IFNG-AS1: variants seen among roughly 807,000 people sequenced by gnomAD.
IFNG-AS1 encodes the protein IFNG antisense RNA 1 (non-protein coding).
chr12:68,020,484 A>G (rs1229248317), intron 4 of IFNG-AS1: 1 of 152,210 alleles, frequency 6.6e-6, no homozygotes, highest in Non-Finnish European at 1.5e-5. Context: ...GAGAGGGCCA[A>G]AAGTTCTTTG....
At chr12:68,003,945 A>G (rs564658646) in intron 2 of IFNG-AS1, among the ~76,000 whole-genome samples, 11 of 41,854 alleles carry the variant, frequency 2.6e-4, no homozygotes, top group African/African-American at 7.3e-4. Flanking sequence ...TTTGGCCACT[A>G]TCCGAGGCTA....
At chr12:67,992,594 AT>A (rs1288954629) in intron 1 of IFNG-AS1, among the ~76,000 whole-genome samples, 1 of 152,196 alleles carries the variant, frequency 6.6e-6, no homozygotes, top group Non-Finnish European at 1.5e-5. Flanking sequence ...TAGGTATACT[AT>A]TTTAATGTAT....
At chr12:68,005,394 G>A (rs114682275) in intron 2 of IFNG-AS1, among the ~76,000 whole-genome samples, 1,788 of 152,140 alleles carry the variant, frequency 0.012, 30 homozygotes, top group African/African-American at 0.04. Context: ...GCATGCACAC[G>A]TGCATACACA....
chr12:68,007,452 T>A (rs1424358906), intron 3 of IFNG-AS1, among the ~76,000 whole-genome samples: 1 of 152,232 alleles, frequency 6.6e-6, no homozygotes, highest in African/African-American at 2.4e-5. Flanking sequence ...TTTATCACTG[T>A]GTTGAGTTTC....
At chr12:68,012,374 T>C (rs1157308176) in intron 3 of IFNG-AS1, among the ~76,000 whole-genome samples, 1 of 152,190 alleles carries the variant, frequency 6.6e-6, no homozygotes, top group Non-Finnish European at 1.5e-5. Flanking sequence ...GTTTGGTCCA[T>C]GACAGCCACT....
At chr12:68,017,231 G>A (rs998522286) in intron 3 of IFNG-AS1, among the ~76,000 whole-genome samples, 9 of 152,170 alleles carry the variant, frequency 5.9e-5, no homozygotes, top group Non-Finnish European at 7.4e-5. Flanking sequence ...AAGAGGAACG[G>A]TGGTATGAAA....
chr12:68,015,470 G>A (rs1435986297), intron 3 of IFNG-AS1, among the ~76,000 whole-genome samples: 2 of 152,054 alleles, frequency 1.3e-5, no homozygotes, highest in African/African-American at 2.4e-5. Flanking sequence ...TCTGGCAGAG[G>A]CTTCACCTTC....
chr12:67,993,705 A>G (rs968794275), intron 1 of IFNG-AS1, among the ~76,000 whole-genome samples: 2 of 152,226 alleles, frequency 1.3e-5, no homozygotes, highest in African/African-American at 4.8e-5. Flanking sequence ...GCACTTATTA[A>G]TAAAAAAGAT....
At chr12:68,017,587 T>C (rs1338704133) in intron 3 of IFNG-AS1, among the ~76,000 whole-genome samples, 1 of 152,208 alleles carries the variant, frequency 6.6e-6, no homozygotes, top group Non-Finnish European at 1.5e-5. Context: ...AGGGCTGTTT[T>C]GAACAATGAG....
intron 1 of IFNG-AS1, among the ~76,000 whole-genome samples, chr12:67,990,903 T>C (rs1175746337): frequency 6.6e-6 from 1 of 152,038 alleles, no homozygotes; most frequent in South Asian, 2.1e-4. Context: ...AATTTTTTTT[T>C]AACTTTAAAC....
chr12:68,004,498 C>T (rs887497843), intron 2 of IFNG-AS1, among the ~76,000 whole-genome samples: 1 of 152,180 alleles, frequency 6.6e-6, no homozygotes, highest in Non-Finnish European at 1.5e-5. Flanking sequence ...TGTCAGAGCC[C>T]TCTGGATCCT....
Position 68,003,419 on chromosome 12 carries a change from T to TC in IFNG-AS1, n.185-2665dup, listed in dbSNP as rs150082058. ...CATAGTTCATAGAAGCTAATCATATTCCCCCCTTTTTTTTTTTTTTTGCAT... is the reference window on the plus strand; with the variant it reads ...CATAGTTCATAGAAGCTAATCATATTCCCCCCCTTTTTTTTTTTTTTTGCAT... On this transcript the variant is annotated intron_variant and non_coding_transcript_variant, in intron 2 of 5. Coordinates refer to ENST00000536914, the Ensembl canonical transcript of IFNG-AS1. 1.8e-3 allele frequency among the ~76,000 whole-genome samples: 251 copies of TC among 137,280 alleles called. 6 individuals are homozygous for TC. The East Asian group carries it at 0.025, about 14-fold the overall frequency. 90.1% of individuals were successfully genotyped at this position (137,280 alleles called of 152,430 possible). A position where few individuals can be genotyped will look rare whatever the true frequency, so the allele number is the denominator to read the frequency against.
intron 2 of IFNG-AS1, among the ~76,000 whole-genome samples, chr12:67,996,886 TAAATC>T (rs1294737545): frequency 6.6e-6 from 1 of 152,138 alleles, no homozygotes; most frequent in African/African-American, 2.4e-5. Context: ...CTATAAGAAA[TAAATC>T]AAATCTCAGA....
intron 1 of IFNG-AS1, among the ~76,000 whole-genome samples, chr12:67,992,094 A>G (rs907945120): frequency 6.6e-5 from 10 of 152,066 alleles, no homozygotes; most frequent in Admixed American, 1.3e-4. Flanking sequence ...GAGTAAACAC[A>G]TTTTGAATTT....
At chr12:68,014,111 G>A (rs917016334) in intron 3 of IFNG-AS1, among the ~76,000 whole-genome samples, 44 of 152,306 alleles carry the variant, frequency 2.9e-4, no homozygotes, top group Admixed American at 5.2e-4. Flanking sequence ...CTCTGAGAAT[G>A]TCATTAATTC....
intron 3 of IFNG-AS1, among the ~76,000 whole-genome samples, chr12:68,007,695 A>C (rs1879936598): frequency 6.6e-6 from 1 of 152,222 alleles, no homozygotes; most frequent in South Asian, 2.1e-4. Context: ...TTTTCAAGGA[A>C]TTGCACAATG....
chr12:68,010,732 G>A (rs1182916205), intron 3 of IFNG-AS1, among the ~76,000 whole-genome samples: 7 of 152,008 alleles, frequency 4.6e-5, no homozygotes, highest in Non-Finnish European at 8.8e-5. Context: ...TTCTTGCCTT[G>A]GGCCGAACCA....
chr12:68,016,257 A>G (rs1880154455), intron 3 of IFNG-AS1, among the ~76,000 whole-genome samples: 2 of 152,142 alleles, frequency 1.3e-5, no homozygotes, highest in South Asian at 4.1e-4. Context: ...TGCTCCACAT[A>G]GTGGAACTCC....
At chr12:68,003,697 G>A (rs1333458629) in intron 2 of IFNG-AS1, among the ~76,000 whole-genome samples, 1 of 152,044 alleles carries the variant, frequency 6.6e-6, no homozygotes, top group Non-Finnish European at 1.5e-5. Flanking sequence ...GGTGGATCAC[G>A]AGGTCAGGAG....
Sources: allele counts gnomAD v4.1 joint callset (sites outside exome capture counted in the v4.1 genomes callset), GRCh38; gene constraint gnomAD v4.1.1; transcripts MANE v1.5; gene names NCBI Gene and HGNC (gene_info 2026-07-23, HGNC 2026-07-21).